Variants in DMD observed in about 807,000 individuals in gnomAD.
DMD encodes the protein mutant dystrophin.
A neutral mutation model predicts 330.1 loss-of-function variants in DMD; 63 were observed. The ratio of observed to expected loss-of-function variants is 0.19; its 90% CI spans 0.16 to 0.24. DMD has a LOEUF of 0.24. Ranked by LOEUF, DMD falls within the 10% of genes least tolerant of loss-of-function variation. The pLI, the probability that DMD is intolerant of heterozygous loss-of-function variation, is 1.00. For synonymous variants in DMD, 1,223 were observed against 959.8 expected, an observed-to-expected ratio of 1.27 and a Z score of -5.07; for missense variants, 3,344 against 2,684.1, an observed-to-expected ratio of 1.25 and a Z score of -5.43.
intron 44 of DMD, among the ~76,000 whole-genome samples, chrX:32,159,902 C>T (rs891530014): frequency 7.2e-5 from 8 of 111,836 alleles, no homozygotes; most frequent in African/African-American, 2.6e-4. Flanking sequence ...TACCCCAGAC[C>T]TACTGAATCA....
At chrX:31,380,855 G>A (rs2033597250) in intron 60 of DMD, among the ~76,000 whole-genome samples, 1 of 109,176 alleles carries the variant, frequency 9.2e-6, no homozygotes, top group African/African-American at 3.3e-5. Context: ...TACCTGGGCT[G>A]TACTGCCTCA....
At chrX:32,750,212 T>C (rs2070633078) in intron 7 of DMD, among the ~76,000 whole-genome samples, 1 of 112,200 alleles carries the variant, frequency 8.9e-6, no homozygotes, top group Non-Finnish European at 1.9e-5. Context: ...AAAACTAGCA[T>C]AGCATTAGAG....
intron 62 of DMD, among the ~76,000 whole-genome samples, chrX:31,288,159 G>A (rs922825427): frequency 9.0e-6 from 1 of 111,674 alleles, no homozygotes; most frequent in Non-Finnish European, 1.9e-5. Context: ...AAAAAGTGGG[G>A]GCGGGAGAGG....
chrX:33,007,154 C>CA (rs1336698354), intron 2 of DMD, among the ~76,000 whole-genome samples: 2 of 110,734 alleles, frequency 1.8e-5, no homozygotes, highest in Admixed American at 9.8e-5. Flanking sequence ...TCAGAACTCT[C>CA]AAAATCTCCT....
At chrX:31,259,562 A>C (rs1246685784) in intron 63 of DMD, among the ~76,000 whole-genome samples, 1 of 112,125 alleles carries the variant, frequency 8.9e-6, no homozygotes, top group African/African-American at 3.2e-5. Flanking sequence ...ACGTTTACAC[A>C]CTTATAACCA....
intron 50 of DMD, among the ~76,000 whole-genome samples, chrX:31,784,319 A>G (rs767726331): frequency 1.8e-5 from 2 of 112,063 alleles, no homozygotes; most frequent in Non-Finnish European, 3.8e-5. Flanking sequence ...AACCATGAGG[A>G]TGACCACGAT....
intron 37 of DMD, among the ~76,000 whole-genome samples, chrX:32,355,918 A>T (rs1041289008): frequency 1.8e-5 from 2 of 110,489 alleles, no homozygotes; most frequent in Admixed American, 9.7e-5. Flanking sequence ...TACAAAAATT[A>T]AAAAAATTAA....
At chrX:32,679,072 A>G (rs927528172) in intron 9 of DMD, among the ~76,000 whole-genome samples, 99 of 112,191 alleles carry the variant, frequency 8.8e-4, no homozygotes, top group African/African-American at 2.9e-3. Flanking sequence ...ATTTAAAGTT[A>G]TAAATCTTAC....
At chrX:32,819,848 T>TAAAAAAAA (rs35344665) in intron 5 of DMD, among the ~76,000 whole-genome samples, 1 of 81,017 alleles carries the variant, frequency 1.2e-5, no homozygotes, top group Non-Finnish European at 2.5e-5. Flanking sequence ...AATGTTGGTG[T>TAAAAAAAA]AAAAAAAAAA....
At chrX:32,252,921 GATAT>G (rs1377146016) in intron 43 of DMD, among the ~76,000 whole-genome samples, 1 of 62,498 alleles carries the variant, frequency 1.6e-5, no homozygotes, top group Non-Finnish European at 2.8e-5. Flanking sequence ...AATATATATA[GATAT>G]ATAAATATAT....
At chrX:32,190,305 T>C (rs1239987200) in intron 44 of DMD, among the ~76,000 whole-genome samples, 1 of 109,563 alleles carries the variant, frequency 9.1e-6, no homozygotes, top group Non-Finnish European at 1.9e-5. Flanking sequence ...ATTTAACATC[T>C]GTACACCCAT....
In DMD at chrX:32,908,577, C is replaced by A. The variant is rs763302462; in HGVS notation, c.94-58757G>T. Reference sequence around the variant, plus strand: ...TAAAATGATTTTAAGTTCTTTCTTTCTTCTCATGAGACTTTAGATCTAAGC... The same window carrying A: ...TAAAATGATTTTAAGTTCTTTCTTTATTCTCATGAGACTTTAGATCTAAGC... On this transcript the variant is annotated intron_variant, in intron 2 of 78. Transcript: ENST00000357033. 4.5e-5 allele frequency among the ~76,000 whole-genome samples: 5 copies of A among 111,891 alleles called. No homozygotes were observed. In the Admixed American group the frequency reaches 4.8e-4, roughly 11 times the overall value.
At chrX:32,497,362 C>T (rs1457692615) in intron 19 of DMD, among the ~76,000 whole-genome samples, 2 of 111,816 alleles carry the variant, frequency 1.8e-5, no homozygotes, top group Admixed American at 1.9e-4. Flanking sequence ...GTCTAATATA[C>T]TAATAATTAC....
At chrX:31,435,457 A>T (rs1221054440) in intron 60 of DMD, 2 of 111,997 alleles carry the variant, frequency 1.8e-5, no homozygotes, top group Admixed American at 1.9e-4. Flanking sequence ...CTTATATCAC[A>T]GTGATCATTA....
At chrX:31,519,457 G>A (rs1200006473) in intron 55 of DMD, among the ~76,000 whole-genome samples, 1 of 112,149 alleles carries the variant, frequency 8.9e-6, no homozygotes, top group Non-Finnish European at 1.9e-5. Context: ...CAGCCATGTA[G>A]GTAATTCCCT....
chrX:31,852,066 T>C (rs898064098), intron 48 of DMD, among the ~76,000 whole-genome samples: 8 of 110,580 alleles, frequency 7.2e-5, no homozygotes, highest in Non-Finnish European at 1.5e-4. Flanking sequence ...GTAGGAATGA[T>C]AGTCATAGAG....
chrX:32,098,899 T>C (rs1050602366), intron 44 of DMD, among the ~76,000 whole-genome samples: 2 of 112,134 alleles, frequency 1.8e-5, no homozygotes, highest in African/African-American at 6.5e-5. Context: ...ATATAGAATG[T>C]TGAATATTAA....
At chrX:33,270,386 G>A (rs184057966) in intron 1 of DMD, among the ~76,000 whole-genome samples, 66 of 110,629 alleles carry the variant, frequency 6.0e-4, no homozygotes, top group African/African-American at 2.0e-3. Context: ...TCTACCCTGA[G>A]ACACACCTGA....
intron 50 of DMD, among the ~76,000 whole-genome samples, chrX:31,791,156 T>C (rs2091550752): frequency 8.9e-6 from 1 of 111,825 alleles, no homozygotes; most frequent in Non-Finnish European, 1.9e-5. Flanking sequence ...TAACCAAATA[T>C]CTTTAAAAGT....
Sources: allele counts gnomAD v4.1 joint callset (sites outside exome capture counted in the v4.1 genomes callset), GRCh38; gene constraint gnomAD v4.1.1; transcripts MANE v1.5; gene names NCBI Gene and HGNC (gene_info 2026-07-23, HGNC 2026-07-21).